TRIP12: variants seen among roughly 807,000 people sequenced by gnomAD.
TRIP12 encodes E3 ubiquitin-protein ligase TRIP12.
In TRIP12, 25 loss-of-function variants were observed where a neutral mutation model predicts 244.2. The observed-to-expected ratio is 0.10, with a 90% CI of 0.07 to 0.14. TRIP12 has a LOEUF of 0.14. TRIP12 is among the 10% of genes least tolerant of loss of function. The pLI is 1.00. For synonymous variants in TRIP12, 905 were observed against 873.1 expected, an observed-to-expected ratio of 1.04 and a Z score of -0.64; for missense variants, 1,677 against 2,486.4, an observed-to-expected ratio of 0.67 and a Z score of 6.92.
Position 229,859,506 on chromosome 2 carries a change from T to C in TRIP12, c.293A>G (p.Glu98Gly), listed in dbSNP as rs369697336. Reference protein sequence around the residue: ...PEDPDRANTSERQKTGQVPKK... With the variant: ...PEDPDRANTSGRQKTGQVPKK... ...AGGCACCTGCCCCGTTTTTTGTCTT[T>C]CTGAAGTATTGGCTCTGTCTGGATC... Residue 98 changes from glutamate to glycine, a missense_variant, in exon 4 of 42, where the codon GAA becomes GGA. By Grantham distance (98) the Glu-to-Gly change is moderately conservative. Coordinates refer to ENST00000675903, the MANE Select transcript of TRIP12 (RefSeq NM_001348323.3). 2 of 1,614,194 alleles carry C rather than the reference T, an allele frequency of 1.2e-6. No homozygotes were observed. The highest frequency in any genetic ancestry group is 8.5e-7 in the Non-Finnish European group (1 of 1,180,038).
At chr2:229,786,400 T>TG (rs1392615199) in intron 33 of TRIP12, among the ~76,000 whole-genome samples, 20 of 147,164 alleles carry the variant, frequency 1.4e-4, no homozygotes, top group Admixed American at 2.0e-4. Flanking sequence ...GGATGACTTT[T>TG]TTTTTTTTTT....
At chr2:229,841,225 T>A (rs1296383934) in intron 4 of TRIP12, among the ~76,000 whole-genome samples, 3 of 152,218 alleles carry the variant, frequency 2.0e-5, no homozygotes, top group Non-Finnish European at 4.4e-5. Flanking sequence ...TCTTCTCCAC[T>A]AACAAAGGCG....
At chr2:229,836,793 C>T in intron 6 of TRIP12, 55 bp downstream of exon 6, 1 of 1,549,998 alleles carries the variant, frequency 6.5e-7, no homozygotes, top group South Asian at 1.2e-5. Flanking sequence ...TCCCTCTGCC[C>T]ATCAAATCTG....
intron 37 of TRIP12, 29 bp from the exon 38 acceptor site, chr2:229,774,290 T>C (rs2154239631): frequency 6.3e-7 from 1 of 1,582,822 alleles, no homozygotes; most frequent in Non-Finnish European, 8.6e-7. Context: ...GGAGAAATGG[T>C]GTCAAGCAAA....
Position 229,777,342 on chromosome 2 carries a change from C to T in TRIP12, c.5502G>A (p.Lys1834=). Residue 1834 remains lysine, a synonymous_variant, in exon 37 of 42, where the codon AAG becomes AAA. Coordinates refer to ENST00000675903, the MANE Select transcript of TRIP12 (RefSeq NM_001348323.3). ...GGGATTTATCTTGTTCAAGTCTTTTCTTCTGTCTGACAATGTCTTCTAGGT... is the reference window on the plus strand; with the variant it reads ...GGGATTTATCTTGTTCAAGTCTTTTTTTCTGTCTGACAATGTCTTCTAGGT... ...VYHLEDIVRQ[K]KRLEQDKSQT... is the part of the protein sequence containing the mutation. 1 of 1,613,334 alleles carries T rather than the reference C, an allele frequency of 6.2e-7. No homozygotes were observed. Among genetic ancestry groups the T allele is most frequent in the East Asian group, 2.2e-5 (1 of 44,870 alleles).
At chr2:229,922,722 A>T, upstream of TRIP12, 1 of 1,084,282 alleles carries the variant, frequency 9.2e-7, no homozygotes. Context: ...GGAAGCGCCC[A>T]GTCCCGGCTC....
At chr2:229,770,284 C>T (rs1020448283) in intron 39 of TRIP12, among the ~76,000 whole-genome samples, 16 of 152,152 alleles carry the variant, frequency 1.1e-4, no homozygotes, top group African/African-American at 3.9e-4. Flanking sequence ...ATTTCCATTA[C>T]TCTGTGATAG....
chr2:229,910,323 G>C (rs2074014673), intron 1 of TRIP12, among the ~76,000 whole-genome samples: 1 of 152,136 alleles, frequency 6.6e-6, no homozygotes, highest in Non-Finnish European at 1.5e-5. Context: ...CTGTAATTAT[G>C]AATCACCTTC....
chr2:229,792,928 C>A, intron 27 of TRIP12, 45 bp downstream of exon 27: 2 of 1,548,928 alleles, frequency 1.3e-6, no homozygotes, highest in Non-Finnish European at 1.7e-6. Context: ...TAAATTTCTC[C>A]CAAATATACA....
chr2:229,819,040 C>CCACACACACACACACA (rs370625320), intron 8 of TRIP12, among the ~76,000 whole-genome samples: 9 of 133,962 alleles, frequency 6.7e-5, no homozygotes, highest in African/African-American at 2.3e-4. Flanking sequence ...AAAATAAAAA[C>CCACACACACACACACA]CACACACACA....
At chr2:229,894,948 G>C (rs1461315909) in intron 1 of TRIP12, among the ~76,000 whole-genome samples, 1 of 152,164 alleles carries the variant, frequency 6.6e-6, no homozygotes, top group Non-Finnish European at 1.5e-5. Context: ...TAAACCTTTA[G>C]AGAAAGGCAC....
chr2:229,796,459 C>G (rs1350030030), intron 25 of TRIP12, 132 bp downstream of exon 25: 1 of 656,832 alleles, frequency 1.5e-6, no homozygotes, highest in Non-Finnish European at 2.3e-6. Context: ...AGGATTCCAA[C>G]TATGTGAAAA....
At chr2:229,922,471 C>G (rs1171252640), upstream of TRIP12, 1 of 1,601,230 alleles carries the variant, frequency 6.2e-7, no homozygotes, top group East Asian at 2.2e-5. Flanking sequence ...AACCAAGCCC[C>G]GCCCCTTCCT....
chr2:229,810,802 C>T (rs1311676497), intron 15 of TRIP12, 78 bp downstream of exon 15: 5 of 1,424,950 alleles, frequency 3.5e-6, no homozygotes, highest in African/African-American at 1.4e-5. Context: ...CTTCCATTTG[C>T]TCGGCTTATG....
chr2:229,779,125 G>T, intron 34 of TRIP12, 135 bp from the exon 35 acceptor site: 2 of 707,492 alleles, frequency 2.8e-6, no homozygotes, highest in Non-Finnish European at 2.4e-6. Flanking sequence ...AAATGTCCTG[G>T]CTGGATTTAT....
At chr2:229,792,927 C>T in intron 27 of TRIP12, 46 bp downstream of exon 27, 2 of 1,549,814 alleles carry the variant, frequency 1.3e-6, no homozygotes, top group Non-Finnish European at 1.7e-6. Flanking sequence ...GTAAATTTCT[C>T]CCAAATATAC....
intron 7 of TRIP12, among the ~76,000 whole-genome samples, chr2:229,829,554 T>G (rs1202800296): frequency 6.6e-6 from 1 of 152,268 alleles, no homozygotes. Flanking sequence ...ACCCTTGCTC[T>G]GTTTTCTGTA....
intron 13 of TRIP12, among the ~76,000 whole-genome samples, chr2:229,812,071 C>T (rs570613293): frequency 1.9e-3 from 287 of 152,166 alleles, no homozygotes; most frequent in Non-Finnish European, 2.1e-3. Context: ...AAGATTATCT[C>T]AACTATGTTT....
At chr2:229,876,504 T>C (rs1224184257) in intron 2 of TRIP12, among the ~76,000 whole-genome samples, 1 of 152,230 alleles carries the variant, frequency 6.6e-6, no homozygotes, top group Non-Finnish European at 1.5e-5. Context: ...CAACTGAGCA[T>C]ATTATTGACT....
Sources: gnomAD v4.1 joint callset for allele counts (sites outside exome capture counted in the v4.1 genomes callset) on GRCh38, gnomAD v4.1.1 for gene constraint, MANE v1.5 for transcripts, NCBI Gene and HGNC (gene_info 2026-07-23, HGNC 2026-07-21) for gene names.